Variants in LINGO2 observed in about 807,000 individuals in gnomAD.
The protein encoded by LINGO2 is leucine rich repeat and Ig domain containing 2, also known as leucine-rich repeat and immunoglobulin-like domain-containing nogo receptor-interacting protein 2.
In LINGO2, 14 loss-of-function variants were observed where a neutral mutation model predicts 30.6. The observed-to-expected ratio is 0.46, with a 90% CI of 0.30 to 0.72. The LOEUF is 0.72. Ranked by LOEUF, LINGO2 falls within the 30% of genes least tolerant of loss-of-function variation. The probability of loss-of-function intolerance (pLI) is 0.07; values close to 1 mark genes in which losing one functional copy is unlikely to be tolerated. For synonymous variants in LINGO2, 317 were observed against 288.5 expected, an observed-to-expected ratio of 1.10 and a Z score of -1.00; for missense variants, 729 against 751.7, an observed-to-expected ratio of 0.97 and a Z score of 0.35.
chr9:29,038,141 G>C, the LINGO2 span, among the ~76,000 whole-genome samples: 406 of 152,010 alleles, frequency 2.7e-3, 2 homozygotes, highest in Middle Eastern at 6.8e-3. Flanking sequence ...TATAACTAAG[G>C]CAGAATTGCT....
At chr9:28,039,837 AATTTCC>A (rs1355414861) in intron 4 of LINGO2, among the ~76,000 whole-genome samples, 1 of 152,062 alleles carries the variant, frequency 6.6e-6, no homozygotes, top group African/African-American at 2.4e-5. Flanking sequence ...GGCTTATGAG[AATTTCC>A]ATTTCTGTTG....
intron 3 of LINGO2, among the ~76,000 whole-genome samples, chr9:28,336,786 TG>T (rs1410773073): frequency 6.6e-6 from 1 of 151,086 alleles, no homozygotes; most frequent in Non-Finnish European, 1.5e-5. Flanking sequence ...CAGTGCAAAT[TG>T]TGGCAAAAAA....
chr9:28,275,067 T>TTTTTG (rs1182153351), intron 4 of LINGO2, among the ~76,000 whole-genome samples: 3 of 151,676 alleles, frequency 2.0e-5, no homozygotes, highest in African/African-American at 4.8e-5. Flanking sequence ...CTAAAGTCCA[T>TTTTTG]TTTTGTTTTG....
At chr9:28,412,133 A>T (rs1822788220) in intron 2 of LINGO2, among the ~76,000 whole-genome samples, 2 of 149,282 alleles carry the variant, frequency 1.3e-5, no homozygotes, top group Non-Finnish European at 3.0e-5. Context: ...TCACTACATT[A>T]TACTACTTTG....
At chr9:29,182,317 T>A in the LINGO2 span, among the ~76,000 whole-genome samples, 1 of 152,292 alleles carries the variant, frequency 6.6e-6, no homozygotes, top group South Asian at 2.1e-4. Flanking sequence ...GATAGGAACC[T>A]GTCCAGCAGG....
At chr9:28,692,532 A>G in the LINGO2 span, among the ~76,000 whole-genome samples, 34 of 152,182 alleles carry the variant, frequency 2.2e-4, no homozygotes, top group Admixed American at 2.2e-3. Context: ...TTCCATGTTT[A>G]TACTTAGGAC....
At chr9:28,541,483 A>C (rs1821695913) in intron 1 of LINGO2, among the ~76,000 whole-genome samples, 1 of 152,192 alleles carries the variant, frequency 6.6e-6, no homozygotes, top group South Asian at 2.1e-4. Context: ...ATGAATAGAA[A>C]AACAAGAGCA....
chr9:28,105,087 C>T (rs1278669896), intron 4 of LINGO2, among the ~76,000 whole-genome samples: 1 of 152,154 alleles, frequency 6.6e-6, no homozygotes, highest in African/African-American at 2.4e-5. Flanking sequence ...CAGATTGGCA[C>T]ACTTTATTCT....
At chr9:28,416,640 C>T (rs1173117679) in intron 2 of LINGO2, among the ~76,000 whole-genome samples, 1 of 152,072 alleles carries the variant, frequency 6.6e-6, no homozygotes, top group African/African-American at 2.4e-5. Context: ...GCAAGAGGCC[C>T]TCAAAATGTC....
chr9:28,928,232 CTAAT>C, the LINGO2 span, among the ~76,000 whole-genome samples: 7 of 152,124 alleles, frequency 4.6e-5, no homozygotes, highest in African/African-American at 1.4e-4. Context: ...TTTTATATAA[CTAAT>C]TATTATGTTT....
intron 4 of LINGO2, among the ~76,000 whole-genome samples, chr9:28,160,600 T>A (rs535793957): frequency 2.6e-5 from 4 of 152,310 alleles, no homozygotes; most frequent in Admixed American, 2.0e-4. Flanking sequence ...TCTTCATCTC[T>A]GTGATTTCTC....
chr9:28,778,037 T>G, the LINGO2 span, among the ~76,000 whole-genome samples: 1 of 152,120 alleles, frequency 6.6e-6, no homozygotes, highest in African/African-American at 2.4e-5. Context: ...CTTTCTGATA[T>G]GATTGATAGT....
chr9:28,038,488 T>C (rs1824047002), intron 4 of LINGO2, among the ~76,000 whole-genome samples: 1 of 151,832 alleles, frequency 6.6e-6, no homozygotes, highest in Non-Finnish European at 1.5e-5. Context: ...GGTCAGGAGA[T>C]CGAGACCATC....
intron 2 of LINGO2, among the ~76,000 whole-genome samples, chr9:28,400,917 T>C (rs953071380): frequency 6.6e-6 from 1 of 152,198 alleles, no homozygotes; most frequent in African/African-American, 2.4e-5. Context: ...ATTTTTTATG[T>C]TCTGCAAAAG....
At chr9:28,801,417 C>G in the LINGO2 span, among the ~76,000 whole-genome samples, 2 of 152,060 alleles carry the variant, frequency 1.3e-5, no homozygotes, top group Non-Finnish European at 2.9e-5. Flanking sequence ...CAAGATGGCT[C>G]TAATTTTAAA....
At chr9:28,568,876 A>G (rs1453394208) in intron 1 of LINGO2, among the ~76,000 whole-genome samples, 5 of 147,316 alleles carry the variant, frequency 3.4e-5, no homozygotes, top group Admixed American at 2.0e-4. Flanking sequence ...AAGGATGCTA[A>G]TTAGTAATAT....
At chr9:28,698,234 C>T in the LINGO2 span, among the ~76,000 whole-genome samples, 11 of 152,024 alleles carry the variant, frequency 7.2e-5, no homozygotes, top group African/African-American at 2.4e-4. Context: ...ATGGTATTTG[C>T]ATCATGGCTC....
chr9:28,568,706 G>GAA (rs60311442), intron 1 of LINGO2, among the ~76,000 whole-genome samples: 4 of 151,600 alleles, frequency 2.6e-5, no homozygotes, highest in Non-Finnish European at 5.9e-5. Context: ...AATGCTGAAA[G>GAA]AAAAAATAAA....
intron 4 of LINGO2, among the ~76,000 whole-genome samples, chr9:28,038,688 G>A (rs1247658143): frequency 1.1e-5 from 1 of 88,822 alleles, no homozygotes; most frequent in Non-Finnish European, 2.2e-5. Flanking sequence ...GCGAGACTCC[G>A]TCTCAAAAAA....
Sources: allele counts gnomAD v4.1 joint callset (sites outside exome capture counted in the v4.1 genomes callset), GRCh38; gene constraint gnomAD v4.1.1; transcripts MANE v1.5; gene names NCBI Gene and HGNC (gene_info 2026-07-23, HGNC 2026-07-21).